Variants in FBXL7 observed in about 807,000 individuals in gnomAD.
The protein encoded by FBXL7 is F-box and leucine rich repeat protein 7.
A neutral mutation model predicts 38.3 loss-of-function variants in FBXL7; 12 were observed. The observed-to-expected ratio is 0.31, with a 90% CI of 0.20 to 0.51. The LOEUF (loss-of-function observed/expected upper bound fraction) is 0.51, where lower values mean the gene tolerates loss of function less well. Among genes scored for constraint, FBXL7 ranks in the 20% least tolerant of loss-of-function variants. FBXL7 has a pLI of 0.98. For missense variants in FBXL7, 567 were observed against 676.4 expected, an observed-to-expected ratio of 0.84 and a Z score of 1.79; for synonymous variants, 297 against 300.9, an observed-to-expected ratio of 0.99 and a Z score of 0.13.
At chr5:15,797,979 T>C (rs1235122874) in intron 2 of FBXL7, among the ~76,000 whole-genome samples, 1 of 152,198 alleles carries the variant, frequency 6.6e-6, no homozygotes, top group Non-Finnish European at 1.5e-5. Flanking sequence ...AGATAATTGC[T>C]GTGGTTCCTC....
At position 15,648,403 on chromosome 5, in the gene FBXL7, G is replaced by A. The variant is rs573044696; in HGVS notation, c.127+32331G>A. ...TGAGATACAGAAAATGAAAGAGACT[G>A]ATAGTCGCTTATTAAGGGACACCAA... On this transcript the variant is annotated intron_variant, in intron 2 of 3. Transcript: ENST00000504595. Among the ~76,000 whole-genome samples, 5 of 152,336 alleles carry A rather than the reference G, an allele frequency of 3.3e-5. No homozygotes were observed. The South Asian group carries it at 1.0e-3, about 32-fold the overall frequency.
intron 2 of FBXL7, among the ~76,000 whole-genome samples, chr5:15,721,308 T>A (rs1561099395): frequency 6.6e-6 from 1 of 152,164 alleles, no homozygotes; most frequent in Non-Finnish European, 1.5e-5. Flanking sequence ...TTTAGGCCTT[T>A]GATTTACAGA....
chr5:15,890,595 A>G (rs1251922681), intron 2 of FBXL7, among the ~76,000 whole-genome samples: 1 of 152,056 alleles, frequency 6.6e-6, no homozygotes, highest in Admixed American at 6.5e-5. Flanking sequence ...CATGCAACGG[A>G]CCTAGGTTGC....
At chr5:15,564,868 A>G (rs1738521114) in intron 1 of FBXL7, among the ~76,000 whole-genome samples, 1 of 152,158 alleles carries the variant, frequency 6.6e-6, no homozygotes, top group African/African-American at 2.4e-5. Flanking sequence ...GATGCACAGC[A>G]CTGATATTAA....
intron 2 of FBXL7, among the ~76,000 whole-genome samples, chr5:15,844,572 A>T (rs1320476349): frequency 6.6e-6 from 1 of 152,230 alleles, no homozygotes; most frequent in Non-Finnish European, 1.5e-5. Flanking sequence ...AGTATGCAGG[A>T]TAATGCAGCT....
In FBXL7 at chr5:15,937,737, C is replaced by A. The variant is rs936127084; in HGVS notation, c.*551C>A. 6 of 152,886 alleles carry A rather than the reference C, an allele frequency of 3.9e-5. No individual in the cohort carries two copies. The highest frequency in any genetic ancestry group is 1.4e-4 in the African/African-American group (6 of 41,446). The allele number at this position is 152,886 out of a possible 1,614,324, so 9.5% of individuals were successfully genotyped here. ...TTGCATAGGCAAAATACTTTTCAGG[C>A]CTTTTTAAAAAATTCATTACAGCAA... is the stretch of plus-strand genomic sequence containing the variant. On this transcript the variant is annotated 3_prime_UTR_variant, in exon 4 of 4. Coordinates refer to ENST00000504595, the MANE Select transcript of FBXL7 (RefSeq NM_012304.5).
In FBXL7 at chr5:15,854,451, A is replaced by C. The variant is rs571911575; in HGVS notation, c.128-73439A>C. ...TTCAGCCTATGTGCCATGTGACTTT[A>C]CCTGAATGTTAATTACATTAGCATG... is the stretch of plus-strand genomic sequence containing the variant. On this transcript the variant is annotated intron_variant, in intron 2 of 3. Transcript: ENST00000504595. 7.9e-5 allele frequency among the ~76,000 whole-genome samples: 12 copies of C among 152,270 alleles called. No homozygotes were observed. In the South Asian group the frequency reaches 2.3e-3, roughly 29 times the overall value.
intron 2 of FBXL7, among the ~76,000 whole-genome samples, chr5:15,688,889 C>T (rs1483007196): frequency 6.6e-6 from 1 of 152,186 alleles, no homozygotes; most frequent in Non-Finnish European, 1.5e-5. Context: ...GCTGACAAGG[C>T]TCAGAAAGAT....
chr5:15,787,517 A>G (rs1737162401), intron 2 of FBXL7, among the ~76,000 whole-genome samples: 1 of 152,134 alleles, frequency 6.6e-6, no homozygotes. Flanking sequence ...AGTTCTGAGA[A>G]AGGAGAAGGT....
rs753380775 is a variant in FBXL7 at position 15,920,523 on chromosome 5, TG to T, written c.128-7366del. Among the ~76,000 whole-genome samples the T allele has an allele frequency of 1.1e-4, 17 of 149,540 alleles. No homozygotes were observed. In the East Asian group the frequency reaches 2.1e-3, roughly 19 times the overall value. On this transcript the variant is annotated intron_variant, in intron 2 of 3. Coordinates refer to ENST00000504595, the MANE Select transcript of FBXL7 (RefSeq NM_012304.5). ...CAATGTGGGTTTGTTATTTTTTGTT[TG>T]TTTTTTTTTGTTTTGAGACAGAGTC...
At chr5:15,690,106 C>T (rs754779979) in intron 2 of FBXL7, among the ~76,000 whole-genome samples, 1 of 152,180 alleles carries the variant, frequency 6.6e-6, no homozygotes, top group Non-Finnish European at 1.5e-5. Flanking sequence ...TTGCTATCCT[C>T]ATTATGTAGG....
At chr5:15,665,753 T>C (rs140045053) in intron 2 of FBXL7, among the ~76,000 whole-genome samples, 14 of 152,326 alleles carry the variant, frequency 9.2e-5, no homozygotes, top group African/African-American at 3.4e-4. Flanking sequence ...TCAGGAATTA[T>C]TAGATCATAA....
chr5:15,736,361 GC>G (rs1173495535), intron 2 of FBXL7, among the ~76,000 whole-genome samples: 1 of 151,956 alleles, frequency 6.6e-6, no homozygotes, highest in Non-Finnish European at 1.5e-5. Flanking sequence ...AACTTAGATG[GC>G]CCCAAGTTCT....
intron 2 of FBXL7, among the ~76,000 whole-genome samples, chr5:15,653,715 G>T (rs1440034506): frequency 6.6e-6 from 1 of 152,186 alleles, no homozygotes; most frequent in Non-Finnish European, 1.5e-5. Context: ...GATAAAATGT[G>T]AAACCAAGTC....
chr5:15,921,962 C>T (rs1318251600), intron 2 of FBXL7, among the ~76,000 whole-genome samples: 3 of 152,102 alleles, frequency 2.0e-5, no homozygotes, highest in Admixed American at 2.0e-4. Context: ...TATGACCCAG[C>T]AATCCCTCTT....
At chr5:15,776,273 GT>G (rs1736856701) in intron 2 of FBXL7, among the ~76,000 whole-genome samples, 1 of 152,046 alleles carries the variant, frequency 6.6e-6, no homozygotes, top group South Asian at 2.1e-4. Flanking sequence ...AGTATAGTAA[GT>G]TTTAACCTAT....
At chr5:15,598,730 T>C (rs1408179079) in intron 1 of FBXL7, among the ~76,000 whole-genome samples, 2 of 152,240 alleles carry the variant, frequency 1.3e-5, no homozygotes, top group East Asian at 3.8e-4. Flanking sequence ...CATCTCTTTC[T>C]TTACCAATGA....
At chr5:15,788,639 A>T (rs1257286275) in intron 2 of FBXL7, among the ~76,000 whole-genome samples, 4 of 150,770 alleles carry the variant, frequency 2.7e-5, no homozygotes, top group South Asian at 2.1e-4. Context: ...CACTCTCCCC[A>T]TTCTGTACGT....
intron 2 of FBXL7, among the ~76,000 whole-genome samples, chr5:15,660,901 TCTAA>T (rs1375643275): frequency 6.6e-6 from 1 of 152,162 alleles, no homozygotes; most frequent in Non-Finnish European, 1.5e-5. Context: ...TGGAGTGTAA[TCTAA>T]CTATTTTTTT....
Sources: gnomAD v4.1 joint callset for allele counts (sites outside exome capture counted in the v4.1 genomes callset) on GRCh38, gnomAD v4.1.1 for gene constraint, MANE v1.5 for transcripts, NCBI Gene and HGNC (gene_info 2026-07-23, HGNC 2026-07-21) for gene names.